The following DLG2 variants were observed in gnomAD, a reference collection of about 807,000 sequenced individuals.
DLG2 encodes discs large MAGUK scaffold protein 2.
A neutral mutation model predicts 132.5 loss-of-function variants in DLG2; 45 were observed. The ratio of observed to expected loss-of-function variants is 0.34; its 90% CI spans 0.27 to 0.44. DLG2 has a LOEUF of 0.44. DLG2 is among the 20% of genes least tolerant of loss of function. The pLI is 1.00. For missense variants in DLG2, 1,045 were observed against 1,196.9 expected, an observed-to-expected ratio of 0.87 and a Z score of 1.87; for synonymous variants, 424 against 419.6, an observed-to-expected ratio of 1.01 and a Z score of -0.13.
intron 9 of DLG2, among the ~76,000 whole-genome samples, chr11:84,116,185 C>T (rs2093625792): frequency 1.3e-5 from 2 of 152,172 alleles, no homozygotes. Context: ...TGACCTTGGG[C>T]TAGCTTCTTA....
intron 3 of DLG2, among the ~76,000 whole-genome samples, chr11:85,392,671 C>G (rs2086903897): frequency 1.3e-5 from 2 of 152,024 alleles, no homozygotes; most frequent in African/African-American, 4.8e-5. Flanking sequence ...AACTCAAATA[C>G]TCACAGTCAC....
At chr11:85,546,996 C>T (rs1598424681) in intron 3 of DLG2, among the ~76,000 whole-genome samples, 1 of 151,978 alleles carries the variant, frequency 6.6e-6, no homozygotes, top group South Asian at 2.1e-4. Context: ...GCATTTAGTC[C>T]ATTTACATTT....
At chr11:83,949,965 C>T (rs1023635343) in intron 14 of DLG2, among the ~76,000 whole-genome samples, 1 of 152,110 alleles carries the variant, frequency 6.6e-6, no homozygotes, top group African/African-American at 2.4e-5. Context: ...GACTAGTTCC[C>T]AGATGTTAAG....
chr11:84,665,751 G>A (rs1046737902), intron 6 of DLG2, among the ~76,000 whole-genome samples: 3 of 152,102 alleles, frequency 2.0e-5, no homozygotes, highest in African/African-American at 7.2e-5. Flanking sequence ...TCCAGGGTGA[G>A]GAAAATATTT....
chr11:85,322,748 T>C (rs1045024994), intron 3 of DLG2, among the ~76,000 whole-genome samples: 5 of 152,118 alleles, frequency 3.3e-5, no homozygotes, highest in Admixed American at 1.3e-4. Context: ...TCATCCTTGA[T>C]ACCTCCCTCT....
At chr11:85,214,209 A>G (rs1245936336) in intron 4 of DLG2, among the ~76,000 whole-genome samples, 1 of 152,024 alleles carries the variant, frequency 6.6e-6, no homozygotes, top group Non-Finnish European at 1.5e-5. Context: ...TTCAGCTGCT[A>G]CTTTTTTCTC....
chr11:84,744,071 G>A (rs1256000502), intron 6 of DLG2, among the ~76,000 whole-genome samples: 4 of 152,136 alleles, frequency 2.6e-5, no homozygotes, highest in East Asian at 3.9e-4. Flanking sequence ...TCTCTGGGAG[G>A]TGAAGAAACT....
At chr11:85,156,471 G>A (rs1323303581) in intron 4 of DLG2, among the ~76,000 whole-genome samples, 2 of 152,108 alleles carry the variant, frequency 1.3e-5, no homozygotes, top group Non-Finnish European at 2.9e-5. Flanking sequence ...GCAGTTTCAG[G>A]CTCAACCACT....
intron 7 of DLG2, among the ~76,000 whole-genome samples, chr11:84,325,032 G>A (rs2098423710): frequency 1.3e-5 from 2 of 151,838 alleles, no homozygotes; most frequent in Admixed American, 1.3e-4. Context: ...TACCTACTCT[G>A]GCTGTTACTT....
intron 4 of DLG2, among the ~76,000 whole-genome samples, chr11:85,179,732 T>C (rs919435189): frequency 6.6e-6 from 1 of 151,760 alleles, no homozygotes; most frequent in Non-Finnish European, 1.5e-5. Flanking sequence ...TCTAAAGACA[T>C]TAGGACCCAC....
At chr11:84,874,696 T>C (rs1456429113) in intron 6 of DLG2, among the ~76,000 whole-genome samples, 2 of 151,982 alleles carry the variant, frequency 1.3e-5, no homozygotes, top group Non-Finnish European at 2.9e-5. Flanking sequence ...ATTAGACTGA[T>C]AGAAGGAAAT....
chr11:85,023,191 A>G (rs1215430656), intron 6 of DLG2, among the ~76,000 whole-genome samples: 1 of 152,056 alleles, frequency 6.6e-6, no homozygotes, highest in African/African-American at 2.4e-5. Context: ...ATTAGTCCCT[A>G]AAAATCTTAG....
intron 18 of DLG2, among the ~76,000 whole-genome samples, chr11:83,737,402 A>C (rs1427916754): frequency 1.3e-5 from 2 of 152,244 alleles, no homozygotes; most frequent in African/African-American, 4.8e-5. Context: ...ATGAACTTTC[A>C]TATTGATTGG....
At chr11:85,165,379 T>C (rs1188976309) in intron 4 of DLG2, among the ~76,000 whole-genome samples, 1 of 152,204 alleles carries the variant, frequency 6.6e-6, no homozygotes, top group Non-Finnish European at 1.5e-5. Context: ...GAGTCATTCA[T>C]GCTAGGTATC....
At chr11:83,803,874 G>A (rs1469629769) in intron 17 of DLG2, among the ~76,000 whole-genome samples, 1 of 152,040 alleles carries the variant, frequency 6.6e-6, no homozygotes, top group African/African-American at 2.4e-5. Context: ...AATTAATCTT[G>A]GTCAAAATCT....
At chr11:84,416,345 T>C (rs2098929632) in intron 7 of DLG2, among the ~76,000 whole-genome samples, 1 of 152,200 alleles carries the variant, frequency 6.6e-6, no homozygotes, top group East Asian at 1.9e-4. Flanking sequence ...TCCAGAGATG[T>C]GTGCTGAGAT....
chr11:84,216,599 T>C (rs962392486), intron 8 of DLG2, among the ~76,000 whole-genome samples: 17 of 152,038 alleles, frequency 1.1e-4, no homozygotes, highest in African/African-American at 3.4e-4. Flanking sequence ...TTGTCCAACC[T>C]AGAGATGAGG....
intron 3 of DLG2, among the ~76,000 whole-genome samples, chr11:85,402,804 G>A (rs58281722): frequency 8.1e-4 from 124 of 152,166 alleles, no homozygotes; most frequent in Admixed American, 7.5e-3. Context: ...GCCATCTCAC[G>A]CCAGTTAGAA....
chr11:85,551,068 TATGA>T (rs1409074825), intron 3 of DLG2, among the ~76,000 whole-genome samples: 1 of 152,192 alleles, frequency 6.6e-6, no homozygotes, highest in Non-Finnish European at 1.5e-5. Flanking sequence ...ATTATCAAAA[TATGA>T]GGTAAAGGAG....
Sources: allele counts gnomAD v4.1 joint callset (sites outside exome capture counted in the v4.1 genomes callset), GRCh38; gene constraint gnomAD v4.1.1; transcripts MANE v1.5; gene names NCBI Gene and HGNC (gene_info 2026-07-23, HGNC 2026-07-21).